Variants in REC114 observed in about 807,000 individuals in gnomAD.
REC114 encodes REC114 meiotic recombination protein.
A neutral mutation model predicts 31.3 loss-of-function variants in REC114; 27 were observed. That is an observed-to-expected ratio of 0.86 (90% CI 0.64 to 1.19). The LOEUF (loss-of-function observed/expected upper bound fraction) is 1.19. Among genes scored for constraint, REC114 ranks in the 50% most tolerant of loss-of-function variants. The pLI is 0.00. For missense variants in REC114, 344 were observed against 326.9 expected (o/e 1.05, Z -0.40); for synonymous variants, 134 against 127.7 (o/e 1.05, Z -0.33).
At chr15:73,487,291 C>T (rs1893383736) in intron 2 of REC114, among the ~76,000 whole-genome samples, 2 of 152,182 alleles carry the variant, frequency 1.3e-5, no homozygotes. Flanking sequence ...AGCACCATTT[C>T]AAAAGTCTTC....
chr15:73,489,465 C>A (rs1217600852), intron 2 of REC114, among the ~76,000 whole-genome samples: 1 of 151,912 alleles, frequency 6.6e-6, no homozygotes, highest in East Asian at 1.9e-4. Context: ...CTCAGCTTCC[C>A]AAACTGTTGG....
intron 1 of REC114, among the ~76,000 whole-genome samples, chr15:73,454,634 T>C (rs898741638): frequency 2.6e-5 from 4 of 152,168 alleles, no homozygotes; most frequent in East Asian, 3.8e-4. Flanking sequence ...AGAAATGATA[T>C]AGGCTGAAAT....
intron 2 of REC114, among the ~76,000 whole-genome samples, chr15:73,497,782 T>G (rs1024657964): frequency 3.3e-5 from 5 of 152,184 alleles, no homozygotes; most frequent in African/African-American, 1.2e-4. Flanking sequence ...AGTGTCCACT[T>G]ATTTCTATAG....
At chr15:73,511,454 T>C (rs1203827249) in intron 2 of REC114, among the ~76,000 whole-genome samples, 1 of 152,176 alleles carries the variant, frequency 6.6e-6, no homozygotes, top group African/African-American at 2.4e-5. Context: ...TCAGTTCTGC[T>C]CTGATTTTAG....
At chr15:73,507,629 CTATA>C (rs1197330879) in intron 2 of REC114, among the ~76,000 whole-genome samples, 4 of 152,064 alleles carry the variant, frequency 2.6e-5, no homozygotes, top group African/African-American at 9.7e-5. Context: ...TAAATAGACA[CTATA>C]TATGGGTACA....
At chr15:73,513,016 C>T (rs1183344251) in intron 2 of REC114, among the ~76,000 whole-genome samples, 2 of 151,304 alleles carry the variant, frequency 1.3e-5, no homozygotes, top group East Asian at 1.9e-4. Context: ...GGGAAGTTCT[C>T]CTGGATAATA....
At chr15:73,456,331 T>G (rs1001850630) in intron 1 of REC114, among the ~76,000 whole-genome samples, 1 of 152,026 alleles carries the variant, frequency 6.6e-6, no homozygotes, top group Non-Finnish European at 1.5e-5. Context: ...CCTGACAACT[T>G]CTTAGACTTT....
chr15:73,507,120 A>G (rs1893690080), intron 2 of REC114, among the ~76,000 whole-genome samples: 1 of 152,228 alleles, frequency 6.6e-6, no homozygotes, highest in Non-Finnish European at 1.5e-5. Flanking sequence ...TCCTGTGTAT[A>G]TAAAGGATAT....
At chr15:73,509,789 C>T (rs1043786995) in intron 2 of REC114, among the ~76,000 whole-genome samples, 20 of 151,606 alleles carry the variant, frequency 1.3e-4, no homozygotes, top group South Asian at 6.3e-4. Flanking sequence ...CTGTTCTGTT[C>T]CATTGATCTA....
At chr15:73,539,990 TGAA>T (rs1022806539) in intron 2 of REC114, among the ~76,000 whole-genome samples, 12 of 152,110 alleles carry the variant, frequency 7.9e-5, no homozygotes, top group Non-Finnish European at 1.3e-4. Flanking sequence ...CAGATGGAAA[TGAA>T]GAAGTAAACA....
In REC114 at chr15:73,452,475, C is replaced by A. The variant is rs573105105; in HGVS notation, c.159+9131C>A. Among the ~76,000 whole-genome samples, 31 of 152,068 alleles carry A rather than the reference C, an allele frequency of 2.0e-4. 2 individuals are homozygous for A. The South Asian group carries it at 6.4e-3, about 32-fold the overall frequency. ...GAGAACTACAAACCACGGCTCAAGGCAATAAGAGAGGACAAAAACAAATGG... is the reference window on the plus strand; with the variant it reads ...GAGAACTACAAACCACGGCTCAAGGAAATAAGAGAGGACAAAAACAAATGG... On this transcript the variant is annotated intron_variant, in intron 1 of 5. Coordinates refer to ENST00000331090, the MANE Select transcript of REC114 (RefSeq NM_001042367.2).
intron 1 of REC114, among the ~76,000 whole-genome samples, chr15:73,459,233 CTTT>C (rs71442387): frequency 7.0e-6 from 1 of 142,716 alleles, no homozygotes; most frequent in Non-Finnish European, 1.5e-5. Context: ...TTTCTTTTTT[CTTT>C]TTTTTTTTTT....
intron 3 of REC114, 50 bp downstream of exon 3, chr15:73,540,618 G>C: frequency 6.7e-7 from 1 of 1,498,548 alleles, no homozygotes; most frequent in Non-Finnish European, 9.3e-7. Context: ...ATGTGTGTAT[G>C]TTGGGGAGGT....
intron 1 of REC114, among the ~76,000 whole-genome samples, chr15:73,453,325 G>A (rs1293699132): frequency 1.3e-5 from 2 of 151,060 alleles, no homozygotes; most frequent in Admixed American, 1.3e-4. Flanking sequence ...CGAAGGATAT[G>A]TACAAAAGAA....
At chr15:73,455,939 T>G (rs185386023) in intron 1 of REC114, among the ~76,000 whole-genome samples, 40 of 152,330 alleles carry the variant, frequency 2.6e-4, no homozygotes, top group Non-Finnish European at 1.6e-4. Context: ...GACCACACTT[T>G]GAGAGGCAGG....
At chr15:73,517,404 TAGG>T (rs1313336136) in intron 2 of REC114, among the ~76,000 whole-genome samples, 1 of 152,192 alleles carries the variant, frequency 6.6e-6, no homozygotes, top group Non-Finnish European at 1.5e-5. Flanking sequence ...GAAGCCTACT[TAGG>T]AGGCTGTTTT....
At chr15:73,553,392 A>G (rs1363526975) in intron 4 of REC114, among the ~76,000 whole-genome samples, 3 of 152,098 alleles carry the variant, frequency 2.0e-5, no homozygotes, top group Non-Finnish European at 4.4e-5. Context: ...TCCCCTCCCT[A>G]CAAATGGGTT....
intron 2 of REC114, among the ~76,000 whole-genome samples, chr15:73,513,757 GGGGGTCA>G (rs1483736333): frequency 2.2e-3 from 329 of 150,318 alleles, no homozygotes; most frequent in Non-Finnish European, 3.8e-3. Context: ...TAGGCTGCTC[GGGGGTCA>G]GGGGTCAGGG....
At chr15:73,549,134 A>G (rs1323539998) in intron 3 of REC114, among the ~76,000 whole-genome samples, 2 of 152,184 alleles carry the variant, frequency 1.3e-5, no homozygotes, top group Non-Finnish European at 2.9e-5. Flanking sequence ...AAGTTTACCT[A>G]TGTAAAAAAC....
Sources: gnomAD v4.1 joint callset for allele counts (sites outside exome capture counted in the v4.1 genomes callset) on GRCh38, gnomAD v4.1.1 for gene constraint, MANE v1.5 for transcripts, NCBI Gene and HGNC (gene_info 2026-07-23, HGNC 2026-07-21) for gene names.